ANKRD26: variants seen among roughly 807,000 people sequenced by gnomAD.
The protein encoded by ANKRD26 is ankyrin repeat domain 26.
Under a neutral mutation model 208.7 loss-of-function variants are expected in ANKRD26, and 141 were observed. That is an observed-to-expected ratio of 0.68 (90% confidence interval 0.59 to 0.78). The LOEUF (loss-of-function observed/expected upper bound fraction) is 0.78, where lower values mean the gene tolerates loss of function less well. Ranked by LOEUF, ANKRD26 falls within the 30% of genes least tolerant of loss-of-function variation. The probability of loss-of-function intolerance (pLI) is 0.00; values close to 1 mark genes in which losing one functional copy is unlikely to be tolerated. For synonymous variants in ANKRD26, 636 were observed against 660.4 expected (o/e 0.96, Z 0.57); for missense variants, 1,889 against 1,938.7 (o/e 0.97, Z 0.48).
Position 27,042,520 on chromosome 10 carries a change from A to G in ANKRD26, c.2161+906T>C, listed in dbSNP as rs543561569. Among the ~76,000 whole-genome samples, 51 of 152,138 alleles carry G rather than the reference A, an allele frequency of 3.4e-4. No individual in the cohort carries two copies. In the South Asian group the frequency reaches 6.7e-3, roughly 20 times the overall value. On this transcript the variant is annotated intron_variant, in intron 20 of 33. Coordinates refer to ENST00000376087, the MANE Select transcript of ANKRD26 (RefSeq NM_014915.3). ...TGTAATCCCAGCACTTTGGGAGGCC[A>G]AGGCGGGTGGATCCGGAGGTCAGGC...
At chr10:27,035,876 T>C in intron 23 of ANKRD26, 124 bp from the exon 24 acceptor site, 1 of 718,408 alleles carries the variant, frequency 1.4e-6, no homozygotes, top group South Asian at 2.1e-5. Flanking sequence ...TATATCCAAT[T>C]GAAAAAAAAA....
At chr10:26,962,404 G>A in the ANKRD26 span, among the ~76,000 whole-genome samples, 1 of 151,902 alleles carries the variant, frequency 6.6e-6, no homozygotes, top group East Asian at 1.9e-4. Context: ...GTGAAACCCT[G>A]TCTCTACTAA....
intron 5 of ANKRD26, among the ~76,000 whole-genome samples, chr10:27,083,315 C>T (rs950342069): frequency 6.6e-6 from 1 of 151,682 alleles, no homozygotes; most frequent in Non-Finnish European, 1.5e-5. Context: ...TAACTGATAG[C>T]TTTCACAAGG....
intron 6 of ANKRD26, chr10:27,079,994 A>T (rs1420798825): frequency 3.2e-6 from 1 of 308,682 alleles, no homozygotes; most frequent in Non-Finnish European, 6.5e-6. Context: ...TGTCTCTACT[A>T]AAAATACAAA....
the ANKRD26 span, among the ~76,000 whole-genome samples, chr10:26,955,613 G>A: frequency 6.6e-6 from 1 of 152,018 alleles, no homozygotes; most frequent in Non-Finnish European, 1.5e-5. Flanking sequence ...CTAGCCTCTT[G>A]AACAGTTCCA....
chr10:26,990,475 T>C (rs1368383527), downstream of ANKRD26, among the ~76,000 whole-genome samples: 1 of 152,224 alleles, frequency 6.6e-6, no homozygotes. Context: ...TGAACCAGTT[T>C]GGTCCACCCA....
rs933452427 is a variant in ANKRD26, at chr10:26,992,123, T to C, written c.*30-118A>G. 3 of 152,140 alleles carry C rather than the reference T, an allele frequency of 2.0e-5. No homozygotes were observed. The East Asian group carries it at 5.8e-4, about 29-fold the overall frequency. 9.4% of individuals were successfully genotyped at this position (152,140 alleles called of 1,614,324 possible). ...TTGTGGGCAAATTGTGAGGGAGGTA[T>C]GTAACTTTTTTATCTTTGCAGCCAT... On this transcript the variant is annotated intron_variant, in intron 5 of 5. Transcript: ENST00000445828.
At chr10:27,027,847 T>C (rs191616267) in intron 27 of ANKRD26, among the ~76,000 whole-genome samples, 268 of 152,356 alleles carry the variant, frequency 1.8e-3, no homozygotes, top group African/African-American at 6.3e-3. Flanking sequence ...AACTTATTAA[T>C]ACAACTTTTT....
the ANKRD26 span, among the ~76,000 whole-genome samples, chr10:26,957,639 A>C: frequency 1.3e-5 from 2 of 152,118 alleles, no homozygotes; most frequent in South Asian, 4.1e-4. Context: ...CAATCATTGA[A>C]ATTTCTGTGA....
At chr10:27,093,586 G>T in intron 2 of ANKRD26, 64 bp from the exon 3 acceptor site, 1 of 1,601,644 alleles carries the variant, frequency 6.2e-7, no homozygotes, top group Non-Finnish European at 8.6e-7. Flanking sequence ...CACTCCACAG[G>T]TTTCACCAAT....
At chr10:27,067,929 T>G (rs905261759) in intron 9 of ANKRD26, among the ~76,000 whole-genome samples, 8 of 152,130 alleles carry the variant, frequency 5.3e-5, no homozygotes, top group African/African-American at 1.7e-4. Flanking sequence ...ATTCATCAAG[T>G]GCGGGTAGAG....
chr10:27,038,650 C>CA (rs370980054), intron 21 of ANKRD26, among the ~76,000 whole-genome samples: 3,203 of 102,862 alleles, frequency 0.031, 141 homozygotes, highest in East Asian at 0.2. Flanking sequence ...GATTCCATCT[C>CA]AAAAAAAAAA....
At position 27,100,455 on chromosome 10, in the gene ANKRD26, T is replaced by C. The variant is rs1010107551; in HGVS notation, c.-129A>G. 7.3e-7 allele frequency: 1 copy of C among 1,378,056 alleles called. No homozygotes were observed. Among genetic ancestry groups the C allele is most frequent in the Non-Finnish European group, 9.7e-7 (1 of 1,025,926 alleles). The allele number at this position is 1,378,056 out of a possible 1,614,324, so 85.4% of individuals were successfully genotyped here. ...AAAGGAAACTCCGCGGTTTCCAATC[T>C]CTCCCTCCGGGTTACCAAGCAAGCG... On this transcript the variant is annotated 5_prime_UTR_variant, in exon 1 of 34. Transcript: ENST00000376087.
chr10:27,095,679 T>C (rs551491882), intron 1 of ANKRD26, among the ~76,000 whole-genome samples: 221 of 152,134 alleles, frequency 1.5e-3, no homozygotes, highest in Middle Eastern at 3.4e-3. Flanking sequence ...AAAAAATAAA[T>C]AAATAAGAGG....
At chr10:27,029,083 T>C in intron 26 of ANKRD26, 138 bp from the exon 27 acceptor site, 1 of 998,462 alleles carries the variant, frequency 1.0e-6, no homozygotes. Flanking sequence ...AACTCTATCG[T>C]TTTTCTAGTT....
chr10:26,993,832 T>C (rs1274047858), intron 5 of ANKRD26, among the ~76,000 whole-genome samples: 7 of 152,140 alleles, frequency 4.6e-5, no homozygotes, highest in African/African-American at 1.7e-4. Context: ...AGTCTGCATA[T>C]CCAGGAGGCA....
chr10:27,072,277 C>T (rs987563701), intron 9 of ANKRD26, among the ~76,000 whole-genome samples: 4 of 152,208 alleles, frequency 2.6e-5, no homozygotes, highest in African/African-American at 4.8e-5. Flanking sequence ...TTGCCAAGCC[C>T]GTGCTGCATG....
chr10:27,099,857 T>G (rs1219494450), intron 1 of ANKRD26, among the ~76,000 whole-genome samples: 1 of 43,104 alleles, frequency 2.3e-5, no homozygotes, highest in Non-Finnish European at 4.3e-5. Flanking sequence ...GTCACTTAAG[T>G]GCTCTCTAAG....
chr10:27,067,432 TTA>T, intron 9 of ANKRD26, 146 bp from the exon 10 acceptor site: 1 of 924,782 alleles, frequency 1.1e-6, no homozygotes, highest in Non-Finnish European at 1.6e-6. Flanking sequence ...TTTTTTTTTT[TTA>T]AAGAAACACC....
Sources: allele counts gnomAD v4.1 joint callset (sites outside exome capture counted in the v4.1 genomes callset), GRCh38; gene constraint gnomAD v4.1.1; transcripts MANE v1.5; gene names NCBI Gene and HGNC (gene_info 2026-07-23, HGNC 2026-07-21).